RFX1: variants seen among roughly 807,000 people sequenced by gnomAD.
RFX1 encodes the protein regulatory factor X1.
A neutral mutation model predicts 119.6 loss-of-function variants in RFX1; 42 were observed. The ratio of observed to expected loss-of-function variants is 0.35; its 90% CI spans 0.27 to 0.45. The LOEUF (loss-of-function observed/expected upper bound fraction) is 0.45, where lower values mean the gene tolerates loss of function less well. Ranked by LOEUF, RFX1 falls within the 20% of genes least tolerant of loss-of-function variation. RFX1 has a pLI of 1.00. For missense variants in RFX1, 1,118 were observed against 1,368.1 expected (o/e 0.82, Z 2.88); for synonymous variants, 628 against 618.5 (o/e 1.02, Z -0.23).
intron 18 of RFX1, 22 bp downstream of exon 18, chr19:13,963,516 C>T: frequency 6.3e-7 from 1 of 1,586,548 alleles, no homozygotes; most frequent in Middle Eastern, 1.7e-4. Flanking sequence ...GCCGCCCGGA[C>T]CCGATCCCGC....
rs932667808 is a variant in RFX1, at chr19:13,968,062, T to C, written c.1732+503A>G. ...TCAGGTCAGGAGTTCGAGACCAGCC[T>C]AGCCAAGATGGTGAAACCCCATCTC... is the stretch of plus-strand genomic sequence containing the variant. On this transcript the variant is annotated intron_variant, in intron 12 of 20. Coordinates refer to ENST00000254325, the MANE Select transcript of RFX1 (RefSeq NM_002918.5). The surrounding 1 kb of genome is among the most constrained non-coding windows in gnomAD (Gnocchi z 5.5). 9.9e-5 allele frequency among the ~76,000 whole-genome samples: 15 copies of C among 152,060 alleles called. No individual in the cohort carries two copies. The highest frequency in any genetic ancestry group is 3.6e-4 in the African/African-American group (15 of 41,422).
chr19:13,984,792 T>C (rs1386420122), intron 2 of RFX1, among the ~76,000 whole-genome samples: 1 of 152,204 alleles, frequency 6.6e-6, no homozygotes, highest in Non-Finnish European at 1.5e-5. Flanking sequence ...CAAGGAGTTA[T>C]CACTGCAGAC....
At position 13,986,595 on chromosome 19, in the gene RFX1, G is replaced by C. The variant is rs927597864; in HGVS notation, c.320-3000C>G. ...GGGGGGTGGCACTGAGTCTGCGAGC[G>C]AGCGTCTGCATCTATCTGCCGGAGA... On this transcript the variant is annotated intron_variant, in intron 2 of 20. Coordinates refer to ENST00000254325, the MANE Select transcript of RFX1 (RefSeq NM_002918.5). This position sits in a 1 kb window ranked among gnomAD's most constrained non-coding sequence, Gnocchi z 4.2. Among the ~76,000 whole-genome samples the C allele has an allele frequency of 6.6e-6, 1 of 152,158 alleles. No homozygotes were observed. Among genetic ancestry groups the C allele is most frequent in the African/African-American group, 2.4e-5 (1 of 41,436 alleles).
intron 18 of RFX1, 86 bp downstream of exon 18, chr19:13,963,452 G>A (rs1187911170): frequency 2.1e-6 from 3 of 1,451,966 alleles, no homozygotes; most frequent in East Asian, 2.5e-5. Context: ...CTGCAGGCTC[G>A]GGTCGTCGTA....
Position 13,966,272 on chromosome 19 carries a change from G to A in RFX1, c.1961+149C>T. ...TCCACCCCCGACTGTTGAGTGTCGG[G>A]TGGCTATACACACTCCACACAGCCA... On this transcript the variant is annotated intron_variant, in intron 14 of 20. Coordinates refer to ENST00000254325, the MANE Select transcript of RFX1 (RefSeq NM_002918.5). This position sits in a 1 kb window ranked among gnomAD's most constrained non-coding sequence, Gnocchi z 6.3. 1.7e-6 allele frequency: 1 copy of A among 587,920 alleles called. No homozygotes were observed. The highest frequency in any genetic ancestry group is 3.0e-6 in the Non-Finnish European group (1 of 330,866). The allele number at this position is 587,920 out of a possible 1,614,324, so 36.4% of individuals were successfully genotyped here.
chr19:14,000,479 C>T (rs1975179070), intron 1 of RFX1, among the ~76,000 whole-genome samples: 1 of 151,962 alleles, frequency 6.6e-6, no homozygotes, highest in Admixed American at 6.6e-5. Context: ...CATACACATA[C>T]ACATACACAC....
At chr19:13,974,101 C>T (rs1974177163) in intron 8 of RFX1, among the ~76,000 whole-genome samples, 1 of 152,072 alleles carries the variant, frequency 6.6e-6, no homozygotes, top group South Asian at 2.1e-4. Flanking sequence ...ATGAAAAGCC[C>T]CGGCCCCCGG....
chr19:13,998,220 C>G (rs1975101216), intron 1 of RFX1: 1 of 152,232 alleles, frequency 6.6e-6, no homozygotes, highest in Non-Finnish European at 1.5e-5. Context: ...CACGGTGGCT[C>G]ACACCTATAA....
At chr19:13,983,658 C>T (rs569068003) in intron 2 of RFX1, 63 bp from the exon 3 acceptor site, 8 of 1,400,446 alleles carry the variant, frequency 5.7e-6, no homozygotes, top group Non-Finnish European at 9.8e-7. Flanking sequence ...TAAGCCTGAG[C>T]CCCCCTGGAG....
At chr19:13,976,459 C>T (rs768487421) in intron 8 of RFX1, among the ~76,000 whole-genome samples, 6 of 152,310 alleles carry the variant, frequency 3.9e-5, no homozygotes, top group South Asian at 2.1e-4. Flanking sequence ...GGGACTGAAG[C>T]GGGGCCAGGA....
In RFX1 at chr19:13,977,856, C is replaced by T. The variant is rs570717374; in HGVS notation, c.929+136G>A. 732 of 654,176 alleles carry T rather than the reference C, an allele frequency of 1.1e-3. 2 individuals carry two copies. The African/African-American group carries it at 0.012, about 11-fold the overall frequency. 40.5% of individuals were successfully genotyped at this position (654,176 alleles called of 1,614,324 possible). On this transcript the variant is annotated intron_variant, in intron 8 of 20. Coordinates refer to ENST00000254325, the MANE Select transcript of RFX1 (RefSeq NM_002918.5). ...TGTGGCTGCCCCTGGGGAGTGCCCA[C>T]CTGTGTGTCTGTCACCTGAGGCCTT...
Position 13,963,572 on chromosome 19 carries a change from C to T in RFX1, c.2536G>A (p.Ala846Thr). The change falls in exon 18 of 21, where the codon GCC becomes ACC. Residue 846 changes from alanine (A) to threonine (T), a missense_variant. By Grantham distance (58) the Ala-to-Thr change is moderately conservative (BLOSUM62 0). This residue lies in a region of RFX1 where 32 missense variants were observed against 71.5 expected (regional missense o/e 0.45). Coordinates refer to ENST00000254325, the MANE Select transcript of RFX1 (RefSeq NM_002918.5). ...GACCACTTGAGGAGGAAGAGCTTGGCGGCCTTGGGGAAGCCGGCGCTGCCC... is the reference window on the plus strand; with the variant it reads ...GACCACTTGAGGAGGAAGAGCTTGGTGGCCTTGGGGAAGCCGGCGCTGCCC... The part of the protein sequence containing the change: ...YQGSAGFPKA[A>T]KLFLLKWSFY... 1.2e-6 allele frequency: 2 copies of T among 1,604,790 alleles called. No homozygotes were observed. The highest frequency in any genetic ancestry group is 8.5e-7 in the Non-Finnish European group (1 of 1,179,350).
Position 13,965,842 on chromosome 19 carries a change from G to A in RFX1, c.1962-65C>T. On this transcript the variant is annotated intron_variant, in intron 14 of 20. Coordinates refer to ENST00000254325, the MANE Select transcript of RFX1 (RefSeq NM_002918.5). This position sits in a 1 kb window ranked among gnomAD's most constrained non-coding sequence, Gnocchi z 4.7. ...TATGGTCCTGCCCCCATCGTCAGAAGGGAACAGGTAGCCCCTGTCCCTGAC... is the reference window on the plus strand; with the variant it reads ...TATGGTCCTGCCCCCATCGTCAGAAAGGAACAGGTAGCCCCTGTCCCTGAC... 6.4e-7 allele frequency: 1 copy of A among 1,571,160 alleles called. No homozygotes were observed. The highest frequency in any genetic ancestry group is 8.7e-7 in the Non-Finnish European group (1 of 1,154,548).
intron 1 of RFX1, among the ~76,000 whole-genome samples, chr19:13,996,285 C>T (rs1975014467): frequency 6.6e-6 from 1 of 152,214 alleles, no homozygotes; most frequent in African/African-American, 2.4e-5. Flanking sequence ...GTGGCTCCTG[C>T]CTGGCCCCAG....
chr19:13,982,798 C>T (rs745700381), intron 4 of RFX1, among the ~76,000 whole-genome samples: 5 of 152,160 alleles, frequency 3.3e-5, no homozygotes, highest in Non-Finnish European at 5.9e-5. Flanking sequence ...TCCAGATCTG[C>T]GCTGATCAGT....
chr19:13,989,333 A>T (rs1974720823), intron 2 of RFX1, among the ~76,000 whole-genome samples: 1 of 151,796 alleles, frequency 6.6e-6, no homozygotes, highest in Non-Finnish European at 1.5e-5. Context: ...ATTTGCTAGT[A>T]GGGGCACAGG....
In RFX1 at chr19:13,979,442, C is replaced by T; in HGVS notation, c.834+5G>A. 6.4e-7 allele frequency: 1 copy of T among 1,567,370 alleles called. No homozygotes were observed. The highest frequency in any genetic ancestry group is 8.7e-7 in the Non-Finnish European group (1 of 1,152,492). ...GCCCGTGGGGTAGGAGGGGGAGACA[C>T]ACACCTCTTGAGCCACGTGGACTGG... On this transcript the variant is annotated splice_donor_5th_base_variant and intron_variant, in intron 7 of 20. Transcript: ENST00000254325.
chr19:13,962,988 G>A lies in RFX1; in HGVS notation c.2770+6C>T. 6.4e-7 allele frequency: 1 copy of A among 1,550,518 alleles called. No individual in the cohort carries two copies. ...CGCGCCCTGGGTGGGAACACGCCTC[G>A]CCTACCTTTGTCGGGGTCCAGGGGG... is the stretch of plus-strand genomic sequence containing the variant. On this transcript the variant is annotated splice_donor_region_variant and intron_variant, in intron 20 of 20. Coordinates refer to ENST00000254325, the MANE Select transcript of RFX1 (RefSeq NM_002918.5).
At chr19:14,003,502 C>A (rs746600913) in intron 1 of RFX1, among the ~76,000 whole-genome samples, 1 of 151,982 alleles carries the variant, frequency 6.6e-6, no homozygotes, top group Non-Finnish European at 1.5e-5. Flanking sequence ...TAAAAGCCAA[C>A]GGTGTATTTC....
Sources: gnomAD v4.1 joint callset for allele counts (sites outside exome capture counted in the v4.1 genomes callset) on GRCh38, gnomAD v4.1.1 for gene constraint, gnomAD v4.1.1 regional missense constraint, Gnocchi (gnomAD v3.1) non-coding constraint, MANE v1.5 for transcripts, NCBI Gene and HGNC (gene_info 2026-07-23, HGNC 2026-07-21) for gene names.